BMP2K: variants seen among roughly 807,000 people sequenced by gnomAD.
BMP2K encodes BMP2 inducible kinase.
In BMP2K, 74 loss-of-function variants were observed where a neutral mutation model predicts 116.0. The ratio of observed to expected loss-of-function variants is 0.64; its 90% CI spans 0.53 to 0.77. The LOEUF (loss-of-function observed/expected upper bound fraction) is 0.77, where lower values mean the gene tolerates loss of function less well. Among genes scored for constraint, BMP2K ranks in the 30% least tolerant of loss-of-function variants. The pLI is 0.00. For synonymous variants in BMP2K, 486 were observed against 502.5 expected, an observed-to-expected ratio of 0.97 and a Z score of 0.44; for missense variants, 1,365 against 1,403.6, an observed-to-expected ratio of 0.97 and a Z score of 0.44.
chr4:78,899,413 C>A (rs1733881144), intron 15 of BMP2K, among the ~76,000 whole-genome samples: 1 of 152,112 alleles, frequency 6.6e-6, no homozygotes, highest in Non-Finnish European at 1.5e-5. Flanking sequence ...TGTAGGGGCA[C>A]TGGAATCTTT....
intron 1 of BMP2K, among the ~76,000 whole-genome samples, chr4:78,802,654 C>T (rs1231646175): frequency 6.6e-6 from 1 of 152,150 alleles, no homozygotes; most frequent in South Asian, 2.1e-4. Context: ...ATCCCTCTGA[C>T]TACCCCAGTT....
intron 1 of BMP2K, among the ~76,000 whole-genome samples, chr4:78,777,249 T>C (rs1243857669): frequency 2.0e-5 from 3 of 152,208 alleles, no homozygotes; most frequent in East Asian, 1.9e-4. Flanking sequence ...GATCCTTTGC[T>C]CTAAATTCAG....
At chr4:78,865,987 G>C (rs1732031455) in intron 10 of BMP2K, among the ~76,000 whole-genome samples, 1 of 152,070 alleles carries the variant, frequency 6.6e-6, no homozygotes, top group South Asian at 2.1e-4. Context: ...CTTATCCCTA[G>C]AGTCATCAAC....
intron 15 of BMP2K, among the ~76,000 whole-genome samples, chr4:78,900,407 A>G (rs1447487172): frequency 6.6e-6 from 1 of 152,206 alleles, no homozygotes; most frequent in Non-Finnish European, 1.5e-5. Flanking sequence ...GCTCAACTGT[A>G]TATAGAAAGA....
At chr4:78,858,713 A>T (rs1731619940) in intron 7 of BMP2K, among the ~76,000 whole-genome samples, 1 of 151,920 alleles carries the variant, frequency 6.6e-6, no homozygotes, top group African/African-American at 2.4e-5. Context: ...TAGCAAACTT[A>T]AGAATATCTA....
chr4:78,815,629 T>G (rs1199383764), intron 1 of BMP2K, among the ~76,000 whole-genome samples: 2 of 150,830 alleles, frequency 1.3e-5, no homozygotes, highest in African/African-American at 4.9e-5. Context: ...TATACAGAAG[T>G]TGAAAGAGTG....
chr4:78,832,338 A>G (rs1167104538), intron 2 of BMP2K, among the ~76,000 whole-genome samples: 2 of 152,160 alleles, frequency 1.3e-5, no homozygotes, highest in Non-Finnish European at 2.9e-5. Flanking sequence ...TATTAATGTC[A>G]GTTGTACTTA....
At chr4:78,876,431 A>G (rs1732635013) in intron 13 of BMP2K, among the ~76,000 whole-genome samples, 2 of 152,190 alleles carry the variant, frequency 1.3e-5, no homozygotes, top group Admixed American at 6.5e-5. Flanking sequence ...AAGCAAGTCT[A>G]TTTACTTGTA....
rs1266569177 is a variant in BMP2K at position 78,870,653 on chromosome 4, G to T, written c.1232-130G>T. The T allele has an allele frequency of 2.4e-6, 3 of 1,254,462 alleles. No homozygotes were observed. In the East Asian group the frequency reaches 7.6e-5, roughly 32 times the overall value. 77.7% of individuals were successfully genotyped at this position (1,254,462 alleles called of 1,614,324 possible). A position where few individuals can be genotyped will look rare whatever the true frequency, so the allele number is the denominator to read the frequency against. Reference sequence around the variant, plus strand: ...AAATCCCTATAAACTCTATGCATATGGAAGTTTTTGTGTTATAAATAAGGA... The same window carrying T: ...AAATCCCTATAAACTCTATGCATATTGAAGTTTTTGTGTTATAAATAAGGA... On this transcript the variant is annotated intron_variant, in intron 10 of 15. Coordinates refer to ENST00000502613, the MANE Select transcript of BMP2K (RefSeq NM_198892.2).
At chr4:78,835,612 A>G (rs1373365185) in intron 3 of BMP2K, among the ~76,000 whole-genome samples, 2 of 146,862 alleles carry the variant, frequency 1.4e-5, no homozygotes, top group Non-Finnish European at 3.0e-5. Context: ...CTGGGCACAT[A>G]GCGAGACTCC....
At chr4:78,842,594 C>T (rs1013519540) in intron 4 of BMP2K, 67 bp downstream of exon 4, 117 of 1,394,150 alleles carry the variant, frequency 8.4e-5, no homozygotes, top group Admixed American at 1.6e-4. Flanking sequence ...GGAGTATTTT[C>T]ATCTAAATCA....
At chr4:78,820,351 A>G (rs1224622284) in intron 1 of BMP2K, among the ~76,000 whole-genome samples, 2 of 152,114 alleles carry the variant, frequency 1.3e-5, no homozygotes, top group Non-Finnish European at 2.9e-5. Context: ...TTTTCTTGTT[A>G]TCTTGAGCCT....
At chr4:78,855,484 G>A (rs1301288857) in intron 7 of BMP2K, among the ~76,000 whole-genome samples, 3 of 152,104 alleles carry the variant, frequency 2.0e-5, no homozygotes, top group African/African-American at 7.2e-5. Context: ...CTAGGCCCAG[G>A]CATGGATCCT....
At chr4:78,794,822 C>A (rs2114203) in intron 1 of BMP2K, among the ~76,000 whole-genome samples, 8,885 of 152,250 alleles carry the variant, frequency 0.058, 371 homozygotes, top group East Asian at 0.22. Context: ...CTGGGCCTCC[C>A]AAAGTGCTGA....
chr4:78,835,611 T>TA (rs894793348), intron 3 of BMP2K, among the ~76,000 whole-genome samples: 3 of 125,540 alleles, frequency 2.4e-5, no homozygotes, highest in Non-Finnish European at 4.8e-5. Context: ...CCTGGGCACA[T>TA]AGCGAGACTC....
rs1317689195 is a variant in BMP2K, at chr4:78,776,401, G to GGAGCGCGGAATGTGAGGCTTGGC, written c.-141_-119dup. ...GGCGGGGCCCAGGCTGTGCGCTTGG[G>GGAGCGCGGAATGTGAGGCTTGGC]GAGCGCGGAATGTGAGGCTTGGCGG... On this transcript the variant is annotated 5_prime_UTR_variant, in exon 1 of 16. In the 5' UTR this introduces an upstream ATG that the reference lacks. Coordinates refer to ENST00000502613, the MANE Select transcript of BMP2K (RefSeq NM_198892.2). 1.7e-4 allele frequency: 144 copies of GGAGCGCGGAATGTGAGGCTTGGC among 838,576 alleles called. No homozygotes were observed. Among genetic ancestry groups the GGAGCGCGGAATGTGAGGCTTGGC allele is most frequent in the South Asian group, 5.1e-4 (9 of 17,730 alleles). 51.9% of individuals were successfully genotyped at this position (838,576 alleles called of 1,614,324 possible).
chr4:78,787,988 T>A (rs1727807628), intron 1 of BMP2K, among the ~76,000 whole-genome samples: 1 of 152,156 alleles, frequency 6.6e-6, no homozygotes, highest in Non-Finnish European at 1.5e-5. Flanking sequence ...TGAATGAGAT[T>A]GTCAGTGGTT....
intron 1 of BMP2K, among the ~76,000 whole-genome samples, chr4:78,824,602 G>T (rs1729783311): frequency 6.6e-6 from 1 of 152,070 alleles, no homozygotes; most frequent in Admixed American, 6.6e-5. Context: ...ATTTCAGTGG[G>T]GACACAGCCA....
At chr4:78,801,728 A>G (rs1274247800) in intron 1 of BMP2K, among the ~76,000 whole-genome samples, 1 of 152,214 alleles carries the variant, frequency 6.6e-6, no homozygotes, top group African/African-American at 2.4e-5. Context: ...CAGTAAGACT[A>G]AAGTTATAAC....
Sources: allele counts gnomAD v4.1 joint callset (sites outside exome capture counted in the v4.1 genomes callset), GRCh38; gene constraint gnomAD v4.1.1; transcripts MANE v1.5; gene names NCBI Gene and HGNC (gene_info 2026-07-23, HGNC 2026-07-21).